Variants in FHIT observed in about 807,000 individuals in gnomAD.
FHIT encodes bis(5'-adenosyl)-triphosphatase.
A neutral mutation model predicts 17.9 loss-of-function variants in FHIT; 19 were observed. The ratio of observed to expected loss-of-function variants is 1.06; its 90% CI spans 0.74 to 1.56. The LOEUF (loss-of-function observed/expected upper bound fraction) is 1.56, where lower values mean the gene tolerates loss of function less well. Among genes scored for constraint, FHIT ranks in the 40% most tolerant of loss-of-function variants. The pLI is 0.00. For missense variants in FHIT, 248 were observed against 189.2 expected, an observed-to-expected ratio of 1.31 and a Z score of -1.82; for synonymous variants, 81 against 69.7, an observed-to-expected ratio of 1.16 and a Z score of -0.81.
intron 5 of FHIT, among the ~76,000 whole-genome samples, chr3:60,182,951 G>A (rs1168019829): frequency 6.6e-6 from 1 of 151,658 alleles, no homozygotes; most frequent in Non-Finnish European, 1.5e-5. Flanking sequence ...AACAATGGAG[G>A]GTTCCACTCC....
intron 5 of FHIT, among the ~76,000 whole-genome samples, chr3:60,447,525 G>T (rs1356905786): frequency 6.6e-6 from 1 of 152,180 alleles, no homozygotes; most frequent in African/African-American, 2.4e-5. Context: ...AGCAATTTTT[G>T]TAATCTGTCA....
chr3:61,039,357 G>C (rs1441157344), intron 3 of FHIT, among the ~76,000 whole-genome samples: 1 of 152,124 alleles, frequency 6.6e-6, no homozygotes, highest in Non-Finnish European at 1.5e-5. Context: ...AATCCTTACT[G>C]GGAGATCTAC....
At chr3:60,873,038 G>C (rs1704478457) in intron 3 of FHIT, among the ~76,000 whole-genome samples, 4 of 152,090 alleles carry the variant, frequency 2.6e-5, no homozygotes, top group Admixed American at 2.6e-4. Context: ...CAAGGTCTCT[G>C]AATGATGAAA....
At chr3:60,562,038 A>G (rs1215595068) in intron 4 of FHIT, among the ~76,000 whole-genome samples, 1 of 152,160 alleles carries the variant, frequency 6.6e-6, no homozygotes, top group Non-Finnish European at 1.5e-5. Context: ...TTACCCGAAA[A>G]CATGCTTTCC....
rs540411395 is a variant in FHIT, at chr3:59,857,336, C to A, written c.348+65010G>T. On this transcript the variant is annotated intron_variant, in intron 8 of 9. Transcript: ENST00000492590. ...AGATATGTCACCGCAACTCTCTCCA[C>A]TCTGCCACAGATTCCAGGTCAGAAT... Among the ~76,000 whole-genome samples, 3 of 152,296 alleles carry A rather than the reference C, an allele frequency of 2.0e-5. No homozygotes were observed. The South Asian group carries it at 6.2e-4, about 32-fold the overall frequency.
At chr3:60,112,550 G>C (rs1704723182) in intron 5 of FHIT, among the ~76,000 whole-genome samples, 1 of 152,154 alleles carries the variant, frequency 6.6e-6, no homozygotes, top group Non-Finnish European at 1.5e-5. Context: ...AGCAGAAACA[G>C]CCAAAGGAGG....
Position 60,569,750 on chromosome 3 carries a change from TATA to T in FHIT, c.-17-32774_-17-32772del, listed in dbSNP as rs1205611820. Among the ~76,000 whole-genome samples the T allele has an allele frequency of 5.4e-3, 249 of 46,390 alleles. 2 individuals are homozygous for T. Among genetic ancestry groups the T allele is most frequent in the African/African-American group, 6.9e-3 (70 of 10,192 alleles). 30.4% of individuals were successfully genotyped at this position (46,390 alleles called of 152,430 possible). A position where few individuals can be genotyped will look rare whatever the true frequency, so the allele number is the denominator to read the frequency against. The stretch of plus-strand genomic sequence containing the variant: ...CTATATATATATATATATATATATA[TATA>T]TATTTTTTTTTTTTTTAGACAGAGT... On this transcript the variant is annotated intron_variant, in intron 4 of 9. Transcript: ENST00000492590.
intron 4 of FHIT, among the ~76,000 whole-genome samples, chr3:60,757,741 T>C (rs1441448872): frequency 1.4e-4 from 21 of 152,220 alleles, no homozygotes; most frequent in Non-Finnish European, 1.5e-5. Context: ...GAATTAATTG[T>C]AAGCACAAGA....
At chr3:61,158,611 C>G (rs1166514456) in intron 2 of FHIT, among the ~76,000 whole-genome samples, 1 of 148,628 alleles carries the variant, frequency 6.7e-6, no homozygotes. Flanking sequence ...CTCACATGCT[C>G]CCTCCTTTTA....
chr3:60,366,494 T>C (rs1283027438), intron 5 of FHIT, among the ~76,000 whole-genome samples: 1 of 152,198 alleles, frequency 6.6e-6, no homozygotes, highest in African/African-American at 2.4e-5. Context: ...CCAAAATTCA[T>C]ACTGAAATTT....
At chr3:60,481,317 T>C (rs1039277755) in intron 5 of FHIT, among the ~76,000 whole-genome samples, 1 of 151,930 alleles carries the variant, frequency 6.6e-6, no homozygotes, top group Non-Finnish European at 1.5e-5. Flanking sequence ...TTCAGAAAAT[T>C]CAGAGAACAC....
At chr3:61,071,494 G>A (rs2034805534) in intron 2 of FHIT, among the ~76,000 whole-genome samples, 1 of 152,066 alleles carries the variant, frequency 6.6e-6, no homozygotes, top group Admixed American at 6.5e-5. Flanking sequence ...AAGAGAAATA[G>A]GGAGAAACAA....
At chr3:61,124,477 G>T (rs1280386100) in intron 2 of FHIT, among the ~76,000 whole-genome samples, 2 of 152,052 alleles carry the variant, frequency 1.3e-5, no homozygotes, top group Non-Finnish European at 1.5e-5. Context: ...AGTTTTCATG[G>T]TGTAAATATT....
At chr3:60,046,700 T>G (rs1277502528) in intron 5 of FHIT, among the ~76,000 whole-genome samples, 1 of 152,214 alleles carries the variant, frequency 6.6e-6, no homozygotes, top group Non-Finnish European at 1.5e-5. Context: ...AGAAAGCCAG[T>G]AATGTTTACA....
intron 8 of FHIT, among the ~76,000 whole-genome samples, chr3:59,919,978 G>A (rs1705323918): frequency 1.3e-5 from 2 of 152,188 alleles, no homozygotes; most frequent in Admixed American, 1.3e-4. Flanking sequence ...ATACAAAGAG[G>A]AAGATAAAAC....
intron 3 of FHIT, among the ~76,000 whole-genome samples, chr3:60,857,648 C>G (rs1947158): frequency 0.96 from 146,220 of 152,322 alleles, 70,486 homozygotes; most frequent in East Asian, 1. Flanking sequence ...AACACAACTG[C>G]TCCTGGGCCT....
chr3:60,837,166 A>G (rs781824329), intron 3 of FHIT, among the ~76,000 whole-genome samples: 2 of 152,170 alleles, frequency 1.3e-5, no homozygotes, highest in Non-Finnish European at 2.9e-5. Flanking sequence ...AGATACTAGT[A>G]TATACTTAGA....
intron 1 of FHIT, among the ~76,000 whole-genome samples, chr3:61,207,144 C>G (rs1479812869): frequency 6.6e-6 from 1 of 152,154 alleles, no homozygotes; most frequent in Non-Finnish European, 1.5e-5. Flanking sequence ...TATGTTCAAC[C>G]AGCCTTGCAT....
intron 5 of FHIT, among the ~76,000 whole-genome samples, chr3:60,188,207 C>CTTTTTTTTTTTTTTTTTTTTTTTTTTTT (rs1210975877): frequency 1.6e-5 from 2 of 125,572 alleles, no homozygotes; most frequent in Non-Finnish European, 3.3e-5. Context: ...CAGTTTCTTT[C>CTTTTTTTTTTTTTTTTTTTTTTTTTTTT]TTTTTTTTTT....
Sources: allele counts gnomAD v4.1 joint callset (sites outside exome capture counted in the v4.1 genomes callset), GRCh38; gene constraint gnomAD v4.1.1; transcripts MANE v1.5; gene names NCBI Gene and HGNC (gene_info 2026-07-23, HGNC 2026-07-21).